FBLN7: variants seen among roughly 807,000 people sequenced by gnomAD.
FBLN7 encodes fibulin 7.
Under a neutral mutation model 44.0 loss-of-function variants are expected in FBLN7, and 31 were observed. The ratio of observed to expected loss-of-function variants is 0.70; its 90% CI spans 0.53 to 0.95. The LOEUF (loss-of-function observed/expected upper bound fraction) is 0.95, where lower values mean the gene tolerates loss of function less well. Ranked by LOEUF, FBLN7 falls within the 40% of genes least tolerant of loss-of-function variation. The pLI, the probability that FBLN7 is intolerant of heterozygous loss-of-function variation, is 0.00. For synonymous variants in FBLN7, 262 were observed against 253.4 expected, an observed-to-expected ratio of 1.03 and a Z score of -0.32; for missense variants, 573 against 618.5, an observed-to-expected ratio of 0.93 and a Z score of 0.78.
the FBLN7 span, among the ~76,000 whole-genome samples, chr2:112,205,777 T>TA: frequency 6.6e-6 from 1 of 151,892 alleles, no homozygotes; most frequent in South Asian, 2.1e-4. Context: ...TTTATTCTTT[T>TA]AAAAAAAATG....
the FBLN7 span, among the ~76,000 whole-genome samples, chr2:112,241,968 G>A: frequency 6.6e-6 from 1 of 152,208 alleles, no homozygotes; most frequent in South Asian, 2.1e-4. Flanking sequence ...AGTGGACTGA[G>A]AATTGTTACA....
chr2:112,184,125 C>T (rs1010279915), intron 6 of FBLN7, among the ~76,000 whole-genome samples: 7 of 152,274 alleles, frequency 4.6e-5, no homozygotes, highest in African/African-American at 1.2e-4. Context: ...GTGGGCCTTT[C>T]GGGGGGCTGG....
chr2:112,174,018 T>G (rs1245721905), intron 3 of FBLN7, among the ~76,000 whole-genome samples: 1 of 152,256 alleles, frequency 6.6e-6, no homozygotes, highest in Non-Finnish European at 1.5e-5. Context: ...TCAGGCTCAA[T>G]GCCTTCTTTT....
chr2:112,205,728 T>C, the FBLN7 span, among the ~76,000 whole-genome samples: 1 of 152,130 alleles, frequency 6.6e-6, no homozygotes, highest in African/African-American at 2.4e-5. Context: ...CTGTAGCTTA[T>C]AGTAATTTTT....
the FBLN7 span, among the ~76,000 whole-genome samples, chr2:112,231,265 T>C: frequency 1.3e-5 from 2 of 152,164 alleles, no homozygotes; most frequent in Non-Finnish European, 1.5e-5. Flanking sequence ...CAAGGGAACA[T>C]TTTGCCAGAA....
the FBLN7 span, chr2:112,231,897 C>A: frequency 6.3e-7 from 1 of 1,589,984 alleles, no homozygotes; most frequent in Non-Finnish European, 8.6e-7. Flanking sequence ...TTGCAGTATT[C>A]TCCCTGATAA....
At chr2:112,215,308 A>G in the FBLN7 span, 3 of 152,290 alleles carry the variant, frequency 2.0e-5, no homozygotes, top group Admixed American at 6.5e-5. Flanking sequence ...AAGCGAACCA[A>G]TCAACCTGGG....
chr2:112,162,872 C>T (rs1681948816), intron 2 of FBLN7, among the ~76,000 whole-genome samples: 1 of 152,002 alleles, frequency 6.6e-6, no homozygotes, highest in South Asian at 2.1e-4. Context: ...TACTATTTTC[C>T]CCCAATGCAT....
At chr2:112,196,766 C>T in the FBLN7 span, among the ~76,000 whole-genome samples, 2 of 152,008 alleles carry the variant, frequency 1.3e-5, no homozygotes, top group African/African-American at 4.8e-5. Context: ...TGTATTAGTC[C>T]GTTTTCATGC....
Position 112,187,160 on chromosome 2 carries a change from T to TG in FBLN7, c.976dup (p.Asp326GlyfsTer113), listed in dbSNP as rs145709063. The TG allele has an allele frequency of 3.5e-5, 56 of 1,614,078 alleles. 1 individual carries two copies. In the African/African-American group the frequency reaches 6.9e-4, roughly 20 times the overall value. ...CAGTGTGAGCGGAACCCCTGCCCCA[T>TG]GGACAGCAGGCCCTGCCGCCATCTG... On this transcript the variant is annotated frameshift_variant, in exon 8 of 8. Coordinates refer to ENST00000331203, the MANE Select transcript of FBLN7 (RefSeq NM_153214.3). LOFTEE classifies it high-confidence loss of function. The surrounding 1 kb of genome is among the most constrained non-coding windows in gnomAD (Gnocchi z 5.1).
intron 1 of FBLN7, among the ~76,000 whole-genome samples, chr2:112,143,627 C>T (rs1036948953): frequency 1.5e-4 from 23 of 152,296 alleles, no homozygotes; most frequent in East Asian, 3.9e-4. Flanking sequence ...ACAGTTCCAC[C>T]GCCCCCAAAA....
the FBLN7 span, among the ~76,000 whole-genome samples, chr2:112,222,875 A>G: frequency 1.3e-5 from 2 of 152,362 alleles, no homozygotes; most frequent in South Asian, 4.1e-4. Context: ...TCAAAACTAT[A>G]TGAATGAACT....
At chr2:112,170,097 C>G (rs1420174851) in intron 3 of FBLN7, among the ~76,000 whole-genome samples, 2 of 151,822 alleles carry the variant, frequency 1.3e-5, no homozygotes, top group African/African-American at 4.8e-5. Flanking sequence ...AAAAAGTTAG[C>G]TGGGTGTGGT....
At chr2:112,192,977 CA>C (rs1683536401), downstream of FBLN7, among the ~76,000 whole-genome samples, 1 of 152,092 alleles carries the variant, frequency 6.6e-6, no homozygotes, top group Non-Finnish European at 1.5e-5. Context: ...CGTGTAATGT[CA>C]AAGAGGGATG....
chr2:112,223,632 G>A, the FBLN7 span, among the ~76,000 whole-genome samples: 1 of 152,274 alleles, frequency 6.6e-6, no homozygotes, highest in Admixed American at 6.5e-5. Context: ...AGGTTTAGAT[G>A]TGCTGAGAAA....
chr2:112,171,747 TA>T (rs1328828307), intron 3 of FBLN7, among the ~76,000 whole-genome samples: 1 of 152,216 alleles, frequency 6.6e-6, no homozygotes, highest in Non-Finnish European at 1.5e-5. Context: ...TTTCTAAATG[TA>T]ACTCTTTATG....
intron 1 of FBLN7, among the ~76,000 whole-genome samples, chr2:112,144,311 A>G (rs1484491514): frequency 6.6e-6 from 1 of 152,170 alleles, no homozygotes; most frequent in African/African-American, 2.4e-5. Context: ...AACTACAAGA[A>G]CAGTTTTTAT....
intron 3 of FBLN7, among the ~76,000 whole-genome samples, chr2:112,168,180 C>T (rs1222420651): frequency 3.3e-5 from 5 of 152,208 alleles, no homozygotes; most frequent in Non-Finnish European, 7.3e-5. Context: ...TTGTGCTCGT[C>T]TCTCATCTCC....
the FBLN7 span, among the ~76,000 whole-genome samples, chr2:112,221,355 C>A: frequency 1.3e-5 from 2 of 152,146 alleles, no homozygotes; most frequent in South Asian, 4.1e-4. Flanking sequence ...TCCCCACTCT[C>A]TCTCTCTTGC....
Sources: allele counts gnomAD v4.1 joint callset (sites outside exome capture counted in the v4.1 genomes callset), GRCh38; gene constraint gnomAD v4.1.1; non-coding constraint Gnocchi (gnomAD v3.1); transcripts MANE v1.5; gene names NCBI Gene and HGNC (gene_info 2026-07-23, HGNC 2026-07-21).